FGF12: variants seen among roughly 807,000 people sequenced by gnomAD.
The protein encoded by FGF12 is fibroblast growth factor 12B.
Under a neutral mutation model 23.6 loss-of-function variants are expected in FGF12, and 14 were observed. The observed-to-expected ratio is 0.59, with a 90% CI of 0.39 to 0.93. The LOEUF is 0.93. FGF12 is among the 40% of genes least tolerant of loss of function. The pLI is 0.00. For synonymous variants in FGF12, 62 were observed against 77.3 expected, an observed-to-expected ratio of 0.80 and a Z score of 1.04; for missense variants, 175 against 217.8, an observed-to-expected ratio of 0.80 and a Z score of 1.24.
intron 4 of FGF12, among the ~76,000 whole-genome samples, chr3:192,217,408 C>T (rs1006265077): frequency 6.6e-6 from 1 of 152,158 alleles, no homozygotes; most frequent in Non-Finnish European, 1.5e-5. Context: ...TAACCAAATT[C>T]AAGCTGAAGC....
At position 192,687,033 on chromosome 3, in the gene FGF12, C is replaced by G. The variant is rs184746180; in HGVS notation, c.13+40148G>C. ...TTTAGTAGAGACGGGGTTTCACCAT[C>G]TTAGCCAGGATGGTCTCCATCTCCT... On this transcript the variant is annotated intron_variant, in intron 2 of 5. Coordinates refer to ENST00000445105, the MANE Select transcript of FGF12 (RefSeq NM_004113.6). Among the ~76,000 whole-genome samples, 35 of 151,016 alleles carry G rather than the reference C, an allele frequency of 2.3e-4. No individual in the cohort carries two copies. The East Asian group carries it at 2.5e-3, about 11-fold the overall frequency.
At chr3:192,431,011 C>T (rs1252439326) in intron 2 of FGF12, among the ~76,000 whole-genome samples, 2 of 152,182 alleles carry the variant, frequency 1.3e-5, no homozygotes, top group Non-Finnish European at 1.5e-5. Flanking sequence ...AACCTCAAGT[C>T]ACAATGGAGT....
chr3:192,473,487 C>CT (rs1307225445), intron 2 of FGF12, among the ~76,000 whole-genome samples: 1 of 152,172 alleles, frequency 6.6e-6, no homozygotes, highest in Non-Finnish European at 1.5e-5. Flanking sequence ...TGGTTACACT[C>CT]TATCTAATTT....
At chr3:192,552,128 C>A (rs1464431914) in intron 2 of FGF12, among the ~76,000 whole-genome samples, 1 of 151,844 alleles carries the variant, frequency 6.6e-6, no homozygotes, top group Admixed American at 6.6e-5. Flanking sequence ...AAATACTTTC[C>A]CTGAATAAAT....
At chr3:192,335,248 A>T in intron 4 of FGF12, 113 bp downstream of exon 4, 1 of 702,922 alleles carries the variant, frequency 1.4e-6, no homozygotes, top group South Asian at 1.9e-5. Context: ...CAGGATCACA[A>T]AATATAAAAT....
chr3:192,687,005 A>G (rs1321529072), intron 2 of FGF12, among the ~76,000 whole-genome samples: 1 of 150,666 alleles, frequency 6.6e-6, no homozygotes, highest in Non-Finnish European at 1.5e-5. Context: ...ATTTTTTTGT[A>G]TTTTTAGTAG....
At chr3:192,266,646 T>A (rs1167854534) in intron 4 of FGF12, among the ~76,000 whole-genome samples, 2 of 152,158 alleles carry the variant, frequency 1.3e-5, no homozygotes, top group African/African-American at 4.8e-5. Flanking sequence ...GAGAAAATGG[T>A]AGCTCATAAA....
intron 5 of FGF12, among the ~76,000 whole-genome samples, chr3:192,158,476 C>G (rs1043118459): frequency 1.4e-5 from 2 of 143,600 alleles, no homozygotes; most frequent in East Asian, 4.1e-4. Flanking sequence ...TGCTCTTTGT[C>G]TCTCTCTCCC....
At chr3:192,540,268 G>C (rs1278774763) in intron 2 of FGF12, among the ~76,000 whole-genome samples, 2 of 151,876 alleles carry the variant, frequency 1.3e-5, no homozygotes, top group East Asian at 3.8e-4. Flanking sequence ...TTTGACGTAG[G>C]TAATTATAGC....
At chr3:192,524,097 G>C (rs566143980) in intron 2 of FGF12, among the ~76,000 whole-genome samples, 1 of 152,134 alleles carries the variant, frequency 6.6e-6, no homozygotes, top group African/African-American at 2.4e-5. Flanking sequence ...GACTTCTAAA[G>C]TCACCTGGCC....
At chr3:192,386,529 TA>T (rs952555923) in intron 2 of FGF12, among the ~76,000 whole-genome samples, 5 of 151,922 alleles carry the variant, frequency 3.3e-5, no homozygotes, top group Admixed American at 6.6e-5. Flanking sequence ...TTTCTCACTT[TA>T]AAAAAAAGTA....
At chr3:192,691,382 A>C (rs564304350) in intron 2 of FGF12, among the ~76,000 whole-genome samples, 1 of 151,074 alleles carries the variant, frequency 6.6e-6, no homozygotes, top group Non-Finnish European at 1.5e-5. Flanking sequence ...TAAAAGGAGA[A>C]AAATCTAGAA....
At chr3:192,288,771 C>T (rs144056605) in intron 4 of FGF12, among the ~76,000 whole-genome samples, 6 of 152,204 alleles carry the variant, frequency 3.9e-5, no homozygotes, top group African/African-American at 9.6e-5. Context: ...TACCAAGGAA[C>T]ATGGGACCTG....
intron 2 of FGF12, among the ~76,000 whole-genome samples, chr3:192,619,752 A>G (rs1714901797): frequency 2.0e-5 from 3 of 152,210 alleles, no homozygotes; most frequent in African/African-American, 7.2e-5. Context: ...ATTTGGCCAT[A>G]AATTCTTAAC....
At chr3:192,450,318 A>T (rs543993334) in intron 2 of FGF12, among the ~76,000 whole-genome samples, 1 of 152,310 alleles carries the variant, frequency 6.6e-6, no homozygotes, top group Non-Finnish European at 1.5e-5. Flanking sequence ...ACTATGTACC[A>T]AACCAGGACT....
chr3:192,677,034 G>A (rs148683845), intron 2 of FGF12, among the ~76,000 whole-genome samples: 58 of 152,292 alleles, frequency 3.8e-4, no homozygotes, highest in African/African-American at 1.3e-3. Flanking sequence ...TGTCTAGTAA[G>A]TCACTCATCT....
chr3:192,175,226 C>T (rs1389679316), intron 4 of FGF12, among the ~76,000 whole-genome samples: 2 of 152,118 alleles, frequency 1.3e-5, no homozygotes, highest in Non-Finnish European at 2.9e-5. Context: ...AATCCCAGGC[C>T]ACCTTGATCC....
rs187874310 is a variant in FGF12 at position 192,233,452 on chromosome 3, A to T, written c.229-62796T>A. Reference sequence around the variant, plus strand: ...GTTTCTTACAGATTCTGGACATTAGACCTTTGTTGGATGCATAGTTTGCAA... The same window carrying T: ...GTTTCTTACAGATTCTGGACATTAGTCCTTTGTTGGATGCATAGTTTGCAA... On this transcript the variant is annotated intron_variant, in intron 4 of 5. Coordinates refer to ENST00000445105, the MANE Select transcript of FGF12 (RefSeq NM_004113.6). 1.0e-3 allele frequency among the ~76,000 whole-genome samples: 155 copies of T among 151,968 alleles called. 1 individual carries two copies. The highest frequency in any genetic ancestry group is 3.5e-3 in the African/African-American group (145 of 41,466).
chr3:192,190,298 G>A (rs1230660762), intron 4 of FGF12, among the ~76,000 whole-genome samples: 1 of 151,740 alleles, frequency 6.6e-6, no homozygotes, highest in African/African-American at 2.4e-5. Flanking sequence ...AATTCCTTAT[G>A]TTTCAAAAAC....
Sources: allele counts gnomAD v4.1 joint callset (sites outside exome capture counted in the v4.1 genomes callset), GRCh38; gene constraint gnomAD v4.1.1; transcripts MANE v1.5; gene names NCBI Gene and HGNC (gene_info 2026-07-23, HGNC 2026-07-21).